PIEZO2: variants seen among roughly 807,000 people sequenced by gnomAD.
PIEZO2 encodes the protein piezo type mechanosensitive ion channel component 2.
Under a neutral mutation model 337.3 loss-of-function variants are expected in PIEZO2, and 172 were observed. The observed-to-expected ratio is 0.51, with a 90% CI of 0.45 to 0.58. The LOEUF (loss-of-function observed/expected upper bound fraction) is 0.58, where lower values mean the gene tolerates loss of function less well. Among genes scored for constraint, PIEZO2 ranks in the 20% least tolerant of loss-of-function variants. The probability of loss-of-function intolerance (pLI) is 0.00; values close to 1 mark genes in which losing one functional copy is unlikely to be tolerated. For synonymous variants in PIEZO2, 1,251 were observed against 1,228.5 expected (o/e 1.02, Z -0.38); for missense variants, 3,028 against 3,391.3 (o/e 0.89, Z 2.66).
intron 4 of PIEZO2, among the ~76,000 whole-genome samples, chr18:10,884,520 G>A (rs2042517134): frequency 1.3e-5 from 2 of 152,132 alleles, no homozygotes; most frequent in African/African-American, 2.4e-5. Context: ...ACACCACATG[G>A]CTCACATCCT....
chr18:10,889,032 G>C (rs750201195), intron 4 of PIEZO2, among the ~76,000 whole-genome samples: 3 of 152,188 alleles, frequency 2.0e-5, no homozygotes, highest in African/African-American at 7.2e-5. Flanking sequence ...AGGAAGGAAG[G>C]AAAAATGGAA....
intron 2 of PIEZO2, among the ~76,000 whole-genome samples, chr18:10,998,740 T>A (rs8088272): frequency 0.033 from 5,054 of 151,980 alleles, 146 homozygotes; most frequent in African/African-American, 0.072. Flanking sequence ...ACAGAATAAA[T>A]TTGATGTTAA....
At chr18:10,704,797 G>A (rs1229379053) in intron 41 of PIEZO2, 145 bp from the exon 42 acceptor site, 1 of 984,200 alleles carries the variant, frequency 1.0e-6, no homozygotes, top group Non-Finnish European at 1.5e-6. Context: ...CCATTCTCCT[G>A]CTTCAGCCTC....
chr18:10,733,502 A>G (rs528172695), intron 35 of PIEZO2, among the ~76,000 whole-genome samples: 5 of 139,122 alleles, frequency 3.6e-5, no homozygotes, highest in Non-Finnish European at 1.5e-5. Flanking sequence ...CAGGCTGGAG[A>G]GCAGTGGCGC....
chr18:10,967,489 T>C (rs2034060044), intron 3 of PIEZO2, among the ~76,000 whole-genome samples: 1 of 152,244 alleles, frequency 6.6e-6, no homozygotes, highest in African/African-American at 2.4e-5. Context: ...CTGGATCCAA[T>C]GGTAGTCCTA....
chr18:10,986,897 C>G (rs1050617846), intron 2 of PIEZO2, among the ~76,000 whole-genome samples: 6 of 151,726 alleles, frequency 4.0e-5, no homozygotes, highest in East Asian at 1.9e-4. Flanking sequence ...GTATAAAAAT[C>G]AACTGTGTTT....
chr18:10,886,487 CAT>C, intron 4 of PIEZO2, among the ~76,000 whole-genome samples: 1 of 45,890 alleles, frequency 2.2e-5, no homozygotes, highest in African/African-American at 1.4e-4. Context: ...ATATCCAAAC[CAT>C]ATATATATAC....
chr18:10,711,948 G>A lies in PIEZO2; in HGVS notation c.5423+2816C>T, dbSNP rs141693951. Among the ~76,000 whole-genome samples, 112 of 151,398 alleles carry A rather than the reference G, an allele frequency of 7.4e-4. 1 individual carries two copies. The highest frequency in any genetic ancestry group is 2.6e-3 in the African/African-American group (106 of 41,138). ...AGAGCAGTACAGTCCAAAGCTGAGA[G>A]CAGTGGGATGCGTGTGAATGTTACA... On this transcript the variant is annotated intron_variant, in intron 39 of 55. Coordinates refer to ENST00000674853, the MANE Select transcript of PIEZO2 (RefSeq NM_001378183.1).
At chr18:10,712,295 G>C (rs1017945891) in intron 39 of PIEZO2, among the ~76,000 whole-genome samples, 2 of 152,222 alleles carry the variant, frequency 1.3e-5, no homozygotes, top group East Asian at 3.9e-4. Flanking sequence ...AGGATTAAGG[G>C]AGGACCTAGC....
intron 2 of PIEZO2, among the ~76,000 whole-genome samples, chr18:11,011,362 G>C (rs1014016653): frequency 2.0e-5 from 3 of 152,090 alleles, no homozygotes; most frequent in African/African-American, 7.2e-5. Flanking sequence ...GTCTCTCTTT[G>C]TAATTAAAAT....
At chr18:10,916,154 T>C (rs1013694397) in intron 3 of PIEZO2, among the ~76,000 whole-genome samples, 8 of 152,146 alleles carry the variant, frequency 5.3e-5, no homozygotes, top group Non-Finnish European at 1.0e-4. Flanking sequence ...ACTGTGCTGA[T>C]TGGTGCATAT....
chr18:10,688,847 G>A (rs1429460094), intron 49 of PIEZO2, among the ~76,000 whole-genome samples: 1 of 151,988 alleles, frequency 6.6e-6, no homozygotes, highest in African/African-American at 2.4e-5. Flanking sequence ...TCATATTCTG[G>A]CATCCTGTCA....
chr18:10,919,972 C>T (rs754122905), intron 3 of PIEZO2, among the ~76,000 whole-genome samples: 3 of 152,066 alleles, frequency 2.0e-5, no homozygotes, highest in Non-Finnish European at 2.9e-5. Context: ...TTGCAAAACT[C>T]AAATTATAGT....
intron 4 of PIEZO2, among the ~76,000 whole-genome samples, chr18:10,886,319 C>CATATAT (rs1366667653): frequency 6.1e-5 from 2 of 32,898 alleles, no homozygotes; most frequent in Non-Finnish European, 9.3e-5. Context: ...AAACCCTATA[C>CATATAT]ATACATATAT....
chr18:10,823,140 T>C (rs1462595754), intron 7 of PIEZO2, among the ~76,000 whole-genome samples: 1 of 152,198 alleles, frequency 6.6e-6, no homozygotes, highest in Non-Finnish European at 1.5e-5. Flanking sequence ...AGTAGAGAGC[T>C]TGAAAGAATT....
chr18:10,836,242 G>A (rs2041010025), intron 7 of PIEZO2, among the ~76,000 whole-genome samples: 1 of 152,130 alleles, frequency 6.6e-6, no homozygotes, highest in African/African-American at 2.4e-5. Context: ...AATTTATAAT[G>A]CTGACTCTCA....
chr18:10,699,288 A>C, intron 43 of PIEZO2, 111 bp from the exon 44 acceptor site: 1 of 1,414,988 alleles, frequency 7.1e-7, no homozygotes, highest in Non-Finnish European at 9.5e-7. Context: ...TAGAAAAGCA[A>C]GATGATATGG....
rs929414705 is a variant in PIEZO2, at chr18:10,962,102, T to C, written c.286+17433A>G. Among the ~76,000 whole-genome samples, 6 of 152,158 alleles carry C rather than the reference T, an allele frequency of 3.9e-5. No homozygotes were observed. Among genetic ancestry groups the C allele is most frequent in the Non-Finnish European group, 7.3e-5 (5 of 68,030 alleles). ...CCAAGCAGACTGTAATCAACTATAT[T>C]AGCATGACAACAAATTCTTTATGTT... is the stretch of plus-strand genomic sequence containing the variant. On this transcript the variant is annotated intron_variant, in intron 3 of 55. Coordinates refer to ENST00000674853, the MANE Select transcript of PIEZO2 (RefSeq NM_001378183.1). The surrounding 1 kb of genome is among the most constrained non-coding windows in gnomAD (Gnocchi z 4.1).
chr18:10,689,091 C>G (rs2034682121), intron 49 of PIEZO2, among the ~76,000 whole-genome samples: 1 of 152,178 alleles, frequency 6.6e-6, no homozygotes, highest in Non-Finnish European at 1.5e-5. Flanking sequence ...ATCACCCCAG[C>G]TAATGTTTTT....
Sources: allele counts gnomAD v4.1 joint callset (sites outside exome capture counted in the v4.1 genomes callset), GRCh38; gene constraint gnomAD v4.1.1; non-coding constraint Gnocchi (gnomAD v3.1); transcripts MANE v1.5; gene names NCBI Gene and HGNC (gene_info 2026-07-23, HGNC 2026-07-21).